Variants in ROBO2 observed in about 807,000 individuals in gnomAD.
ROBO2 encodes roundabout homolog 2.
Under a neutral mutation model 160.8 loss-of-function variants are expected in ROBO2, and 53 were observed. The observed-to-expected ratio is 0.33, with a 90% CI of 0.26 to 0.41. The LOEUF is 0.41. Ranked by LOEUF, ROBO2 falls within the 10% of genes least tolerant of loss-of-function variation. The pLI, the probability that ROBO2 is intolerant of heterozygous loss-of-function variation, is 1.00. For synonymous variants in ROBO2, 664 were observed against 611.7 expected, an observed-to-expected ratio of 1.09 and a Z score of -1.26; for missense variants, 1,577 against 1,722.4, an observed-to-expected ratio of 0.92 and a Z score of 1.49.
intron 2 of ROBO2, among the ~76,000 whole-genome samples, chr3:76,501,792 G>T (rs12488857): frequency 0.3 from 45,153 of 151,952 alleles, 8,313 homozygotes; most frequent in Non-Finnish European, 0.4. Context: ...TATTAACAGG[G>T]TACAGAAAAT....
intron 2 of ROBO2, among the ~76,000 whole-genome samples, chr3:76,720,903 ATTAG>A (rs1255447255): frequency 6.6e-6 from 1 of 152,242 alleles, no homozygotes; most frequent in Admixed American, 6.5e-5. Flanking sequence ...TAATATGGCA[ATTAG>A]TTACTAATTT....
intron 2 of ROBO2, among the ~76,000 whole-genome samples, chr3:76,892,578 C>T (rs553033138): frequency 1.3e-5 from 2 of 152,112 alleles, no homozygotes; most frequent in South Asian, 2.1e-4. Context: ...TCCAACGTAA[C>T]GAACACTCCC....
chr3:77,493,869 T>C (rs1315851659), intron 5 of ROBO2, among the ~76,000 whole-genome samples: 2 of 152,146 alleles, frequency 1.3e-5, no homozygotes, highest in African/African-American at 4.8e-5. Context: ...TAGCAAGTAG[T>C]TGGCATCATT....
intron 2 of ROBO2, among the ~76,000 whole-genome samples, chr3:76,952,525 G>T (rs529685384): frequency 2.6e-5 from 4 of 151,764 alleles, no homozygotes; most frequent in Admixed American, 6.6e-5. Context: ...CTCGTGATCC[G>T]CCTGCCTCGG....
chr3:76,243,212 C>T (rs1705406466), intron 2 of ROBO2, among the ~76,000 whole-genome samples: 1 of 152,016 alleles, frequency 6.6e-6, no homozygotes, highest in Non-Finnish European at 1.5e-5. Flanking sequence ...TAGCCCATTA[C>T]ATGTCACTTC....
At chr3:76,656,872 T>A (rs2091549781) in intron 2 of ROBO2, among the ~76,000 whole-genome samples, 1 of 152,146 alleles carries the variant, frequency 6.6e-6, no homozygotes, top group African/African-American at 2.4e-5. Flanking sequence ...TTATGCAAAA[T>A]TAAAAGTTAG....
intron 2 of ROBO2, among the ~76,000 whole-genome samples, chr3:76,508,698 A>G (rs2080921730): frequency 6.6e-6 from 1 of 152,168 alleles, no homozygotes; most frequent in African/African-American, 2.4e-5. Context: ...GCTTGCTACC[A>G]CTCAAAAAAC....
chr3:77,125,304 C>G (rs777740197), intron 2 of ROBO2, among the ~76,000 whole-genome samples: 23 of 152,172 alleles, frequency 1.5e-4, no homozygotes, highest in Admixed American at 5.2e-4. Context: ...TTATATAAAC[C>G]AGGTGACTAT....
At chr3:76,153,777 C>T (rs1316694277) in intron 2 of ROBO2, among the ~76,000 whole-genome samples, 1 of 152,090 alleles carries the variant, frequency 6.6e-6, no homozygotes, top group African/African-American at 2.4e-5. Flanking sequence ...AAAGTCCCTA[C>T]AGAGAGATCT....
intron 2 of ROBO2, among the ~76,000 whole-genome samples, chr3:76,666,321 G>A (rs190738690): frequency 6.6e-6 from 1 of 152,046 alleles, no homozygotes; most frequent in African/African-American, 2.4e-5. Context: ...TCTCAATGAT[G>A]ACCAACTTTT....
chr3:76,821,615 A>T (rs1400199209), intron 2 of ROBO2, among the ~76,000 whole-genome samples: 2 of 152,010 alleles, frequency 1.3e-5, no homozygotes, highest in Admixed American at 1.3e-4. Flanking sequence ...TGTGCTTGGG[A>T]CCATGCCTGG....
At chr3:76,160,192 T>C (rs1222409575) in intron 2 of ROBO2, among the ~76,000 whole-genome samples, 2 of 152,138 alleles carry the variant, frequency 1.3e-5, no homozygotes, top group African/African-American at 4.8e-5. Context: ...TTCTCTTCAC[T>C]TTGGCTGGGT....
intron 2 of ROBO2, among the ~76,000 whole-genome samples, chr3:76,757,762 C>T (rs2108324935): frequency 6.6e-6 from 1 of 151,742 alleles, no homozygotes; most frequent in South Asian, 2.1e-4. Context: ...AATACTCCTC[C>T]AGAGAGATTG....
chr3:76,449,326 G>C (rs1436406181), intron 2 of ROBO2, among the ~76,000 whole-genome samples: 1 of 152,080 alleles, frequency 6.6e-6, no homozygotes, highest in Non-Finnish European at 1.5e-5. Flanking sequence ...TTTACAGGGA[G>C]ACTAGACCAT....
intron 2 of ROBO2, among the ~76,000 whole-genome samples, chr3:76,169,030 C>T (rs2072937683): frequency 1.3e-5 from 2 of 151,864 alleles, no homozygotes; most frequent in African/African-American, 4.8e-5. Context: ...GGTGCATAAT[C>T]CATTCTCTTT....
chr3:76,171,161 T>C lies in ROBO2; in HGVS notation c.109+233559T>C, dbSNP rs888931080. Among the ~76,000 whole-genome samples, 7 of 152,090 alleles carry C rather than the reference T, an allele frequency of 4.6e-5. No individual in the cohort carries two copies. In the East Asian group the frequency reaches 1.4e-3, roughly 29 times the overall value. On this transcript the variant is annotated intron_variant, in intron 2 of 26. Transcript: ENST00000487694. ...TTATTACAGACACTTGCCCTTAAAC[T>C]TTCCTAGGTCATAGTCTCATTATTT...
chr3:76,306,698 A>G (rs1009242199), intron 2 of ROBO2, among the ~76,000 whole-genome samples: 2 of 152,352 alleles, frequency 1.3e-5, no homozygotes, highest in South Asian at 2.1e-4. Flanking sequence ...AAGCATTTTG[A>G]TAACAGGGAC....
rs1228091158 is a variant in ROBO2, at chr3:76,622,262, GAAAGAAAGAA to G, written c.110-475750_110-475741del. Among the ~76,000 whole-genome samples, 26 of 69,282 alleles carry G rather than the reference GAAAGAAAGAA, an allele frequency of 3.8e-4. 5 individuals are homozygous for G. The highest frequency in any genetic ancestry group is 6.0e-4 in the Non-Finnish European group (20 of 33,170). 45.5% of individuals were successfully genotyped at this position (69,282 alleles called of 152,430 possible). A position where few individuals can be genotyped will look rare whatever the true frequency, so the allele number is the denominator to read the frequency against. ...AGAAAGAAAGAAAGAAAGAAAGAAA[GAAAGAAAGAA>G]AGAAAGAAAGAAAGAAAGAAAGAAA... On this transcript the variant is annotated intron_variant, in intron 2 of 26. Transcript: ENST00000487694.
At chr3:76,023,232 G>A (rs1050176111) in intron 2 of ROBO2, among the ~76,000 whole-genome samples, 14 of 151,488 alleles carry the variant, frequency 9.2e-5, no homozygotes, top group African/African-American at 2.9e-4. Context: ...ATTCTTTATC[G>A]TTCATTTGTT....
Sources: gnomAD v4.1 joint callset for allele counts (sites outside exome capture counted in the v4.1 genomes callset) on GRCh38, gnomAD v4.1.1 for gene constraint, MANE v1.5 for transcripts, NCBI Gene and HGNC (gene_info 2026-07-23, HGNC 2026-07-21) for gene names.